RAD51B: variants seen among roughly 807,000 people sequenced by gnomAD.
RAD51B encodes DNA repair protein RAD51 homolog 2.
Under a neutral mutation model 42.2 loss-of-function variants are expected in RAD51B, and 38 were observed. The observed-to-expected ratio is 0.90, with a 90% CI of 0.70 to 1.18. RAD51B has a LOEUF of 1.18. Among genes scored for constraint, RAD51B ranks in the 50% most tolerant of loss-of-function variants. The pLI is 0.00. For synonymous variants in RAD51B, 154 were observed against 145.2 expected, an observed-to-expected ratio of 1.06 and a Z score of -0.43; for missense variants, 373 against 400.7, an observed-to-expected ratio of 0.93 and a Z score of 0.59.
intron 7 of RAD51B, among the ~76,000 whole-genome samples, chr14:67,958,263 T>C (rs1334072979): frequency 1.3e-5 from 2 of 152,208 alleles, no homozygotes. Flanking sequence ...TGGTGATGAT[T>C]TTCTGTATGA....
chr14:68,508,673 A>G (rs937558964), intron 10 of RAD51B, among the ~76,000 whole-genome samples: 3 of 152,218 alleles, frequency 2.0e-5, no homozygotes, highest in African/African-American at 4.8e-5. Context: ...GAGAACTCCT[A>G]CTGCTCCAAG....
At chr14:67,878,021 A>T (rs1352153222) in intron 5 of RAD51B, among the ~76,000 whole-genome samples, 1 of 152,212 alleles carries the variant, frequency 6.6e-6, no homozygotes, top group African/African-American at 2.4e-5. Flanking sequence ...GATCTTAATT[A>T]ACAAGTTTTC....
At chr14:67,854,633 C>CA (rs1174939557) in intron 4 of RAD51B, among the ~76,000 whole-genome samples, 8,634 of 121,890 alleles carry the variant, frequency 0.071, 597 homozygotes, top group African/African-American at 0.2. Context: ...GGCTCCGTCT[C>CA]AAAAAAAAAA....
At chr14:67,960,756 A>C (rs2074647185) in intron 7 of RAD51B, among the ~76,000 whole-genome samples, 1 of 152,012 alleles carries the variant, frequency 6.6e-6, no homozygotes, top group African/African-American at 2.4e-5. Context: ...GCAGCCTCAA[A>C]TTACTGGGCT....
At chr14:67,886,347 G>A (rs887723206) in intron 6 of RAD51B, among the ~76,000 whole-genome samples, 5 of 152,102 alleles carry the variant, frequency 3.3e-5, no homozygotes, top group East Asian at 1.9e-4. Flanking sequence ...GCTCAATGTC[G>A]CTCAAGAGGT....
intron 8 of RAD51B, among the ~76,000 whole-genome samples, chr14:68,386,139 T>C (rs2083589568): frequency 6.6e-6 from 1 of 152,162 alleles, no homozygotes; most frequent in Non-Finnish European, 1.5e-5. Context: ...TTGCCCCCTT[T>C]TTTACAAATG....
At chr14:68,586,992 G>T (rs1413816031) in intron 10 of RAD51B, among the ~76,000 whole-genome samples, 1 of 151,350 alleles carries the variant, frequency 6.6e-6, no homozygotes, top group Non-Finnish European at 1.5e-5. Flanking sequence ...TCGCGCCATT[G>T]TACTCCAGCC....
Position 68,520,351 on chromosome 14 carries a change from A to G in RAD51B, c.1036+52101A>G, listed in dbSNP as rs532421618. Among the ~76,000 whole-genome samples, 7 of 152,328 alleles carry G rather than the reference A, an allele frequency of 4.6e-5. No homozygotes were observed. The South Asian group carries it at 1.4e-3, about 32-fold the overall frequency. On this transcript the variant is annotated intron_variant, in intron 10 of 10. Coordinates refer to the RAD51B transcript ENST00000487270. ...GGGATTATAGGCAAGTAAATTATGA[A>G]CTATTAGATTACTGGCTATTAGATT...
chr14:68,210,875 A>G (rs998000063), intron 7 of RAD51B, among the ~76,000 whole-genome samples: 3 of 152,300 alleles, frequency 2.0e-5, no homozygotes, highest in East Asian at 1.9e-4. Flanking sequence ...AGAATTCTGT[A>G]TGTATTACAG....
chr14:68,573,300 C>G (rs1024046282), intron 10 of RAD51B, among the ~76,000 whole-genome samples: 1 of 152,118 alleles, frequency 6.6e-6, no homozygotes, highest in Non-Finnish European at 1.5e-5. Flanking sequence ...TGTGCCCCCT[C>G]GCACTCTCCT....
chr14:68,198,580 C>T (rs1382005446), intron 7 of RAD51B, among the ~76,000 whole-genome samples: 2 of 152,130 alleles, frequency 1.3e-5, no homozygotes, highest in Non-Finnish European at 2.9e-5. Context: ...CATGTTTTCT[C>T]TCCCAATTGA....
intron 7 of RAD51B, among the ~76,000 whole-genome samples, chr14:67,906,104 A>G (rs980627838): frequency 3.3e-5 from 5 of 152,110 alleles, no homozygotes; most frequent in African/African-American, 1.2e-4. Flanking sequence ...TTTTAGCACA[A>G]AAGGATGTTG....
chr14:68,631,209 G>A (rs1024094325), intron 10 of RAD51B, among the ~76,000 whole-genome samples: 2 of 152,200 alleles, frequency 1.3e-5, no homozygotes, highest in Non-Finnish European at 2.9e-5. Context: ...TCTAAAAGGC[G>A]GGTGTAGTTG....
chr14:67,881,183 G>A (rs1315430636), intron 5 of RAD51B, among the ~76,000 whole-genome samples: 1 of 152,230 alleles, frequency 6.6e-6, no homozygotes, highest in South Asian at 2.1e-4. Flanking sequence ...TGTTGTATAA[G>A]TGATGCATCA....
intron 7 of RAD51B, among the ~76,000 whole-genome samples, chr14:68,277,286 A>G (rs1448788563): frequency 3.3e-5 from 5 of 152,234 alleles, no homozygotes; most frequent in African/African-American, 1.2e-4. Flanking sequence ...AAACCTGTGT[A>G]GAGAAAAAGG....
chr14:68,445,172 T>C (rs1834061181), intron 9 of RAD51B, among the ~76,000 whole-genome samples: 2 of 152,142 alleles, frequency 1.3e-5, no homozygotes. Context: ...GCTGAAGAGT[T>C]AGCCCACAAG....
intron 8 of RAD51B, among the ~76,000 whole-genome samples, chr14:68,382,618 A>G (rs529506585): frequency 6.6e-6 from 1 of 152,256 alleles, no homozygotes; most frequent in South Asian, 2.1e-4. Context: ...AATACTCTTA[A>G]AAATCCTAGT....
chr14:68,120,708 G>T (rs2077635430), intron 7 of RAD51B, among the ~76,000 whole-genome samples: 1 of 151,974 alleles, frequency 6.6e-6, no homozygotes, highest in South Asian at 2.1e-4. Context: ...TTAAGTAAGG[G>T]TCCTCATTTA....
In RAD51B at chr14:67,945,548, C is replaced by T. The variant is rs866423325; in HGVS notation, c.756+58344C>T. ...TGTCGCCCAGACTGGAGTGCAGTGG[C>T]GCAATCTCTCCTCCCGGGTTCAAGC... On this transcript the variant is annotated intron_variant, in intron 7 of 10. Coordinates refer to ENST00000471583, the MANE Select transcript of RAD51B (RefSeq NM_133510.4). 2.0e-5 allele frequency among the ~76,000 whole-genome samples: 3 copies of T among 151,986 alleles called. No homozygotes were observed. The East Asian group carries it at 5.8e-4, about 29-fold the overall frequency.
Sources: gnomAD v4.1 joint callset for allele counts (sites outside exome capture counted in the v4.1 genomes callset) on GRCh38, gnomAD v4.1.1 for gene constraint, MANE v1.5 for transcripts, NCBI Gene and HGNC (gene_info 2026-07-23, HGNC 2026-07-21) for gene names.